The following GNB4 variants were observed in gnomAD, a reference collection of about 807,000 sequenced individuals.
GNB4 encodes the protein G protein subunit beta 4, also known as guanine nucleotide-binding protein subunit beta-4.
In GNB4, 28 loss-of-function variants were observed where a neutral mutation model predicts 45.2. That is an observed-to-expected ratio of 0.62 (90% CI 0.46 to 0.85). The LOEUF (loss-of-function observed/expected upper bound fraction) is 0.85. Ranked by LOEUF, GNB4 falls within the 40% of genes least tolerant of loss-of-function variation. GNB4 has a pLI of 0.00. For missense variants in GNB4, 321 were observed against 425.4 expected, an observed-to-expected ratio of 0.75 and a Z score of 2.16; for synonymous variants, 132 against 143.7, an observed-to-expected ratio of 0.92 and a Z score of 0.58.
chr3:179,438,963 C>G (rs1715529096), intron 1 of GNB4, among the ~76,000 whole-genome samples: 1 of 152,176 alleles, frequency 6.6e-6, no homozygotes, highest in South Asian at 2.1e-4. Context: ...AAGGGCGGAA[C>G]CAGGGTTGAT....
intron 2 of GNB4, among the ~76,000 whole-genome samples, chr3:179,422,463 GA>G (rs1164930213): frequency 2.6e-4 from 34 of 130,266 alleles, no homozygotes; most frequent in Admixed American, 3.1e-4. Flanking sequence ...CCTGTCTCTG[GA>G]AAAAAAAAAA....
chr3:179,441,541 C>G (rs1368721432), intron 1 of GNB4, among the ~76,000 whole-genome samples: 1 of 152,052 alleles, frequency 6.6e-6, no homozygotes, highest in Non-Finnish European at 1.5e-5. Flanking sequence ...CAAGACCAGC[C>G]TGGCCAACAT....
At chr3:179,499,559 C>G in the GNB4 span, among the ~76,000 whole-genome samples, 1 of 152,194 alleles carries the variant, frequency 6.6e-6, no homozygotes, top group Admixed American at 6.5e-5. Context: ...CATACGTGTA[C>G]ATGTGTCTTT....
chr3:179,422,031 T>A (rs938550861), intron 2 of GNB4, among the ~76,000 whole-genome samples: 5 of 152,190 alleles, frequency 3.3e-5, no homozygotes, highest in East Asian at 1.9e-4. Flanking sequence ...CTATCTTTTT[T>A]AATTTAGTTA....
rs79123433 is a variant in GNB4 at position 179,443,187 on chromosome 3, T to C, written c.-43+8159A>G. On this transcript the variant is annotated intron_variant, in intron 1 of 9. Transcript: ENST00000232564. ...TAGGACAAAATGTTAACATGTGCAA[T>C]TACCATAGTCACGGAAAAGTAGCTA... Among the ~76,000 whole-genome samples, 30 of 152,342 alleles carry C rather than the reference T, an allele frequency of 2.0e-4. No individual in the cohort carries two copies. In the East Asian group the frequency reaches 5.8e-3, roughly 29 times the overall value.
Position 179,414,997 on chromosome 3 carries a change from A to G in GNB4, c.318T>C (p.Ala106=), listed in dbSNP as rs1714755769. 6.2e-7 allele frequency: 1 copy of G among 1,611,526 alleles called. No homozygotes were observed. The highest frequency in any genetic ancestry group is 1.7e-5 in the Admixed American group (1 of 59,994). The change falls in exon 6 of 10, where the codon GCT becomes GCC. Residue 106 remains alanine, a synonymous_variant. Transcript: ENST00000232564. ...RSSWVMTCAY[A]PSGNYVACGG... ...CACAGGCAACATAATTACCAGAGGG[A>G]GCATAAGCACAGGTCATCACCCAGG...
chr3:179,403,861 T>C (rs1714384718), intron 9 of GNB4, among the ~76,000 whole-genome samples: 1 of 148,768 alleles, frequency 6.7e-6, no homozygotes. Context: ...ACAAAAAAAG[T>C]CAAAAGGATC....
the GNB4 span, chr3:179,464,836 A>G: frequency 1.5e-6 from 2 of 1,333,726 alleles, no homozygotes; most frequent in African/African-American, 2.9e-5. Context: ...ATGCAGGGCG[A>G]ATGTGTTTGG....
chr3:179,407,076 A>G (rs532961813), intron 8 of GNB4, among the ~76,000 whole-genome samples: 5 of 152,194 alleles, frequency 3.3e-5, no homozygotes, highest in African/African-American at 9.6e-5. Context: ...CATGCCTTAA[A>G]AAACTAAAAA....
At chr3:179,485,959 A>T in the GNB4 span, among the ~76,000 whole-genome samples, 1 of 148,896 alleles carries the variant, frequency 6.7e-6, no homozygotes, top group Non-Finnish European at 1.5e-5. Context: ...AAACAACAAC[A>T]AAAACTCAGT....
chr3:179,478,999 A>G, the GNB4 span, among the ~76,000 whole-genome samples: 2 of 152,160 alleles, frequency 1.3e-5, no homozygotes, highest in East Asian at 3.8e-4. Flanking sequence ...CCTCCCTAGA[A>G]GCAAAAGCCA....
intron 8 of GNB4, chr3:179,410,702 G>C (rs536514699): frequency 2.0e-5 from 3 of 152,022 alleles, no homozygotes; most frequent in African/African-American, 7.2e-5. Context: ...ATAAGGTCAC[G>C]GTCTGAGGTC....
chr3:179,452,522 G>A (rs1715911486), upstream of GNB4: 2 of 152,130 alleles, frequency 1.3e-5, no homozygotes, highest in South Asian at 4.1e-4. Context: ...CAACCCCTCA[G>A]CCTTCCAATC....
the GNB4 span, among the ~76,000 whole-genome samples, chr3:179,517,973 C>G: frequency 6.6e-6 from 1 of 151,962 alleles, no homozygotes; most frequent in Non-Finnish European, 1.5e-5. Context: ...ACCCTCTGAC[C>G]CCTTCTCTCC....
the GNB4 span, among the ~76,000 whole-genome samples, chr3:179,503,553 C>T: frequency 0.11 from 16,865 of 152,224 alleles, 1,257 homozygotes; most frequent in East Asian, 0.33. Flanking sequence ...CAAAGACAGC[C>T]TCTGTCATAC....
At chr3:179,516,067 C>T in the GNB4 span, among the ~76,000 whole-genome samples, 6 of 152,162 alleles carry the variant, frequency 3.9e-5, no homozygotes, top group African/African-American at 9.7e-5. Flanking sequence ...TTAGAGAGTG[C>T]CCAAGGGAGT....
the GNB4 span, among the ~76,000 whole-genome samples, chr3:179,466,103 C>A: frequency 6.9e-6 from 1 of 145,610 alleles, no homozygotes. Flanking sequence ...CTCTGCCTCT[C>A]GGGTTCGAAC....
chr3:179,449,657 TA>T (rs772395683), intron 1 of GNB4, among the ~76,000 whole-genome samples: 91 of 152,334 alleles, frequency 6.0e-4, no homozygotes, highest in Non-Finnish European at 1.1e-3. Flanking sequence ...TACTGTGAGA[TA>T]TAAGTAGAAT....
At chr3:179,433,143 T>C (rs1715352245) in intron 1 of GNB4, among the ~76,000 whole-genome samples, 1 of 151,274 alleles carries the variant, frequency 6.6e-6, no homozygotes, top group African/African-American at 2.4e-5. Context: ...AGACAGAAAG[T>C]TTTCCATCTA....
Sources: gnomAD v4.1 joint callset for allele counts (sites outside exome capture counted in the v4.1 genomes callset) on GRCh38, gnomAD v4.1.1 for gene constraint, MANE v1.5 for transcripts, NCBI Gene and HGNC (gene_info 2026-07-23, HGNC 2026-07-21) for gene names.